GSE1: variants seen among roughly 807,000 people sequenced by gnomAD.
GSE1 encodes Gse1 coiled-coil protein.
GSE1 carries 32 observed loss-of-function variants against 112.6 expected under a neutral mutation model. That is an observed-to-expected ratio of 0.28 (90% confidence interval 0.21 to 0.38). The LOEUF (loss-of-function observed/expected upper bound fraction) is 0.38. GSE1 is among the 10% of genes least tolerant of loss of function. The probability of loss-of-function intolerance (pLI) is 1.00; values close to 1 mark genes in which losing one functional copy is unlikely to be tolerated. For missense variants in GSE1, 2,348 were observed against 1,699.2 expected, an observed-to-expected ratio of 1.38 and a Z score of -6.71; for synonymous variants, 1,115 against 735.6, an observed-to-expected ratio of 1.52 and a Z score of -8.35.
At chr16:85,315,661 G>A (rs41341845) in intron 1 of GSE1, among the ~76,000 whole-genome samples, 1,758 of 152,278 alleles carry the variant, frequency 0.012, 26 homozygotes, top group African/African-American at 0.04. Context: ...CAAGAGAGGA[G>A]TACGCACCGG....
At chr16:85,630,398 AT>A (rs747095015) in intron 1 of GSE1, among the ~76,000 whole-genome samples, 1 of 152,222 alleles carries the variant, frequency 6.6e-6, no homozygotes, top group Non-Finnish European at 1.5e-5. Context: ...AGGCTAGAGT[AT>A]AGCGGTGTGA....
upstream of GSE1, chr16:85,555,016 C>T: frequency 1.0e-6 from 1 of 985,408 alleles, no homozygotes; most frequent in Non-Finnish European, 1.2e-6. Context: ...GGCTCGGCGG[C>T]CGCGCGGGGG....
chr16:85,557,333 T>C (rs758868027), intron 1 of GSE1, among the ~76,000 whole-genome samples: 2 of 152,074 alleles, frequency 1.3e-5, no homozygotes, highest in Non-Finnish European at 2.9e-5. Flanking sequence ...ATGAGCTGAT[T>C]TTATTCCTCC....
intron 2 of GSE1, among the ~76,000 whole-genome samples, chr16:85,472,342 T>C (rs895232854): frequency 1.3e-5 from 2 of 152,212 alleles, no homozygotes; most frequent in Admixed American, 1.3e-4. Context: ...TTCCTGCCTC[T>C]TCCAGCCTCT....
chr16:85,650,978 T>C (rs2151891357), intron 3 of GSE1, among the ~76,000 whole-genome samples: 1 of 150,604 alleles, frequency 6.6e-6, no homozygotes, highest in South Asian at 2.1e-4. Context: ...ATGTCCCGCC[T>C]GTCTGACTAT....
In GSE1 at chr16:85,209,324, A is replaced by T. The variant is rs961712321; in HGVS notation, c.2283+37517A>T. On this transcript the variant is annotated intron_variant, in intron 1 of 2. Coordinates refer to the GSE1 transcript ENST00000637419. The stretch of plus-strand genomic sequence containing the variant: ...CCAAAGTGTCATAGCTGGCCAGGGC[A>T]ACATCCTCCGTCCTTGTTCGTGACC... Among the ~76,000 whole-genome samples the T allele has an allele frequency of 2.0e-5, 3 of 152,194 alleles. No individual in the cohort carries two copies. In the South Asian group the frequency reaches 6.2e-4, roughly 32 times the overall value.
chr16:85,370,067 G>A (rs538095700), intron 2 of GSE1, among the ~76,000 whole-genome samples: 21 of 152,252 alleles, frequency 1.4e-4, no homozygotes, highest in African/African-American at 4.8e-4. Context: ...TGGTCCCTGC[G>A]CCACCCTTGC....
At chr16:85,230,016 G>A (rs899788955) in intron 1 of GSE1, among the ~76,000 whole-genome samples, 1 of 152,196 alleles carries the variant, frequency 6.6e-6, no homozygotes, top group Non-Finnish European at 1.5e-5. Context: ...CTCTGGGAAC[G>A]TTATCTGCCT....
intron 1 of GSE1, among the ~76,000 whole-genome samples, chr16:85,193,145 T>C (rs11642106): frequency 6.6e-6 from 1 of 152,124 alleles, no homozygotes; most frequent in South Asian, 2.1e-4. Context: ...CTATTAAGAC[T>C]TCATCAAAAG....
At chr16:85,411,174 C>G (rs1424367822) in intron 2 of GSE1, among the ~76,000 whole-genome samples, 1 of 90,452 alleles carries the variant, frequency 1.1e-5, no homozygotes, top group African/African-American at 6.3e-5. Context: ...CTGTTACACT[C>G]AGGCCCCCCG....
At chr16:85,380,122 T>C (rs1017437924) in intron 2 of GSE1, among the ~76,000 whole-genome samples, 2 of 152,216 alleles carry the variant, frequency 1.3e-5, no homozygotes, top group African/African-American at 4.8e-5. Context: ...ACATTCACCA[T>C]AGCTGTGAAC....
At chr16:85,331,385 A>ATATATATGTG (rs2046346109) in intron 1 of GSE1, among the ~76,000 whole-genome samples, 3 of 135,858 alleles carry the variant, frequency 2.2e-5, no homozygotes, top group African/African-American at 8.0e-5. Flanking sequence ...ATATATATGT[A>ATATATATGTG]TATATATGTG....
At chr16:85,397,226 T>A (rs2047987275) in intron 2 of GSE1, among the ~76,000 whole-genome samples, 1 of 152,166 alleles carries the variant, frequency 6.6e-6, no homozygotes, top group South Asian at 2.1e-4. Flanking sequence ...GACACTTTTC[T>A]CCCCTTTTGC....
chr16:85,187,625 G>C (rs61410820), intron 1 of GSE1, among the ~76,000 whole-genome samples: 2,404 of 152,308 alleles, frequency 0.016, 65 homozygotes, highest in African/African-American at 0.056. Context: ...CCGGGAGATG[G>C]CGTGGTTTGG....
chr16:85,191,218 C>G (rs1425120551), intron 1 of GSE1, among the ~76,000 whole-genome samples: 1 of 152,144 alleles, frequency 6.6e-6, no homozygotes, highest in Non-Finnish European at 1.5e-5. Flanking sequence ...CAAGATTGCA[C>G]CACTGCACTG....
chr16:85,581,841 C>G (rs1395406035), intron 1 of GSE1, among the ~76,000 whole-genome samples: 1 of 152,170 alleles, frequency 6.6e-6, no homozygotes, highest in African/African-American at 2.4e-5. Flanking sequence ...TCCTGTCCCC[C>G]ACTGGCTGCA....
intron 1 of GSE1, among the ~76,000 whole-genome samples, chr16:85,193,145 T>G (rs11642106): frequency 0.16 from 24,601 of 152,092 alleles, 2,195 homozygotes; most frequent in Middle Eastern, 0.28. Flanking sequence ...CTATTAAGAC[T>G]TCATCAAAAG....
intron 1 of GSE1, among the ~76,000 whole-genome samples, chr16:85,290,152 TC>T (rs1298423739): frequency 6.6e-6 from 1 of 152,138 alleles, no homozygotes; most frequent in Non-Finnish European, 1.5e-5. Flanking sequence ...GGACAGTCAG[TC>T]ACTTCCCTGC....
At chr16:85,449,235 G>A (rs1306334149) in intron 2 of GSE1, among the ~76,000 whole-genome samples, 1 of 152,228 alleles carries the variant, frequency 6.6e-6, no homozygotes, top group Non-Finnish European at 1.5e-5. Flanking sequence ...ATTGGCTTGG[G>A]GCCCCACCGC....
Sources: gnomAD v4.1 joint callset for allele counts (sites outside exome capture counted in the v4.1 genomes callset) on GRCh38, gnomAD v4.1.1 for gene constraint, MANE v1.5 for transcripts, NCBI Gene and HGNC (gene_info 2026-07-23, HGNC 2026-07-21) for gene names.